Variants in SV2C observed in about 807,000 individuals in gnomAD.
The protein encoded by SV2C is synaptic vesicle glycoprotein 2C, also known as solute carrier family 22 member B3.
A neutral mutation model predicts 79.7 loss-of-function variants in SV2C; 49 were observed. The observed-to-expected ratio is 0.61, with a 90% CI of 0.49 to 0.78. SV2C has a LOEUF of 0.78. Among genes scored for constraint, SV2C ranks in the 30% least tolerant of loss-of-function variants. The pLI is 0.00. For missense variants in SV2C, 833 were observed against 912.9 expected, an observed-to-expected ratio of 0.91 and a Z score of 1.13; for synonymous variants, 334 against 333.2, an observed-to-expected ratio of 1.00 and a Z score of -0.03.
the SV2C span, among the ~76,000 whole-genome samples, chr5:75,997,273 G>T: frequency 3.9e-5 from 6 of 151,904 alleles, no homozygotes; most frequent in Non-Finnish European, 8.8e-5. Context: ...TCTGATGTAG[G>T]CATGGGCAAG....
the SV2C span, among the ~76,000 whole-genome samples, chr5:75,849,513 AC>A: frequency 6.6e-6 from 1 of 152,158 alleles, no homozygotes; most frequent in Non-Finnish European, 1.5e-5. Flanking sequence ...GTGGGGAAGT[AC>A]CCGTGTGTAT....
the SV2C span, among the ~76,000 whole-genome samples, chr5:75,924,706 A>G: frequency 6.6e-6 from 1 of 152,158 alleles, no homozygotes; most frequent in African/African-American, 2.4e-5. Context: ...ATGCTACCCC[A>G]ATTGACTGTC....
chr5:76,284,700 C>T (rs543350598), intron 4 of SV2C, among the ~76,000 whole-genome samples: 9 of 152,208 alleles, frequency 5.9e-5, no homozygotes, highest in Non-Finnish European at 1.2e-4. Flanking sequence ...CCCAACCCTC[C>T]TTCACTCTGT....
chr5:75,876,882 G>T, the SV2C span, among the ~76,000 whole-genome samples: 8 of 151,356 alleles, frequency 5.3e-5, no homozygotes, highest in African/African-American at 1.9e-4. Flanking sequence ...AAAGAGAAGT[G>T]GAGGAGGAAA....
At chr5:75,950,291 A>G in the SV2C span, among the ~76,000 whole-genome samples, 2 of 152,062 alleles carry the variant, frequency 1.3e-5, no homozygotes, top group Non-Finnish European at 2.9e-5. Flanking sequence ...TGATATGAAG[A>G]GAACACAGCT....
the SV2C span, among the ~76,000 whole-genome samples, chr5:75,875,354 G>A: frequency 0.011 from 1,649 of 152,194 alleles, 22 homozygotes; most frequent in African/African-American, 0.035. Flanking sequence ...TCAATAAATG[G>A]TGCTGGGATA....
chr5:75,924,473 T>TA, the SV2C span, among the ~76,000 whole-genome samples: 1 of 152,066 alleles, frequency 6.6e-6, no homozygotes, highest in Non-Finnish European at 1.5e-5. Context: ...TAAAAATAAA[T>TA]AAAAAATTGC....
At chr5:76,185,227 G>T (rs1743875319) in intron 2 of SV2C, among the ~76,000 whole-genome samples, 1 of 152,222 alleles carries the variant, frequency 6.6e-6, no homozygotes, top group African/African-American at 2.4e-5. Flanking sequence ...CTGTGGCTTT[G>T]CAGGGTACAG....
At chr5:75,999,892 G>A in the SV2C span, among the ~76,000 whole-genome samples, 1 of 152,206 alleles carries the variant, frequency 6.6e-6, no homozygotes, top group South Asian at 2.1e-4. Context: ...CGTGGAGGAA[G>A]AGACAGAGAG....
At chr5:76,348,171 A>G (rs1432743978) in intron 12 of SV2C, among the ~76,000 whole-genome samples, 1 of 152,208 alleles carries the variant, frequency 6.6e-6, no homozygotes, top group Non-Finnish European at 1.5e-5. Context: ...AGAATCATAC[A>G]GTATGTAGCC....
the SV2C span, among the ~76,000 whole-genome samples, chr5:75,941,481 AT>A: frequency 6.6e-6 from 1 of 152,232 alleles, no homozygotes; most frequent in African/African-American, 2.4e-5. Context: ...GTACAAAAAA[AT>A]CCCCCTTATC....
At chr5:76,014,974 A>G in the SV2C span, among the ~76,000 whole-genome samples, 3 of 152,290 alleles carry the variant, frequency 2.0e-5, no homozygotes, top group South Asian at 6.2e-4. Flanking sequence ...TTGCTCTTGG[A>G]CACCGTAGAA....
downstream of SV2C, among the ~76,000 whole-genome samples, chr5:76,336,620 C>G (rs1446546579): frequency 6.6e-6 from 1 of 152,192 alleles, no homozygotes; most frequent in East Asian, 1.9e-4. Context: ...ACCAAGTGAA[C>G]CAGACTCCGT....
At chr5:76,230,779 A>C (rs1464444542) in intron 4 of SV2C, among the ~76,000 whole-genome samples, 1 of 149,892 alleles carries the variant, frequency 6.7e-6, no homozygotes, top group African/African-American at 2.5e-5. Flanking sequence ...ACAGAGCAAG[A>C]CTCTGTCTCA....
chr5:75,894,929 A>G, the SV2C span, among the ~76,000 whole-genome samples: 1 of 152,142 alleles, frequency 6.6e-6, no homozygotes, highest in Non-Finnish European at 1.5e-5. Context: ...GCTAAAGCAG[A>G]GTTGTAAACT....
chr5:75,948,648 C>T, the SV2C span, among the ~76,000 whole-genome samples: 1 of 151,854 alleles, frequency 6.6e-6, no homozygotes, highest in Non-Finnish European at 1.5e-5. Flanking sequence ...GTGTAGAAAC[C>T]TCAAGGAAAT....
At chr5:76,148,490 C>T (rs1056069791) in intron 2 of SV2C, among the ~76,000 whole-genome samples, 1 of 152,110 alleles carries the variant, frequency 6.6e-6, no homozygotes, top group Admixed American at 6.6e-5. Context: ...CACTGTGTTG[C>T]CCAAGCTGGA....
chr5:76,008,006 G>A, the SV2C span, among the ~76,000 whole-genome samples: 1 of 152,124 alleles, frequency 6.6e-6, no homozygotes, highest in South Asian at 2.1e-4. Flanking sequence ...GGCAACAGGT[G>A]CTGTCCTTTC....
chr5:76,015,654 A>G, the SV2C span, among the ~76,000 whole-genome samples: 21 of 152,168 alleles, frequency 1.4e-4, no homozygotes, highest in African/African-American at 5.1e-4. Context: ...CTTATGATGA[A>G]GGACAAAAGC....
Sources: allele counts gnomAD v4.1 joint callset (sites outside exome capture counted in the v4.1 genomes callset), GRCh38; gene constraint gnomAD v4.1.1; transcripts MANE v1.5; gene names NCBI Gene and HGNC (gene_info 2026-07-23, HGNC 2026-07-21).